Variants in PIK3C2B observed in about 807,000 individuals in gnomAD.
PIK3C2B encodes the protein phosphatidylinositol 4-phosphate 3-kinase C2 domain-containing subunit beta.
Under a neutral mutation model 184.3 loss-of-function variants are expected in PIK3C2B, and 83 were observed. The ratio of observed to expected loss-of-function variants is 0.45; its 90% CI spans 0.38 to 0.54. PIK3C2B has a LOEUF of 0.54. Ranked by LOEUF, PIK3C2B falls within the 20% of genes least tolerant of loss-of-function variation. The probability of loss-of-function intolerance (pLI) is 0.00; values close to 1 mark genes in which losing one functional copy is unlikely to be tolerated. For synonymous variants in PIK3C2B, 779 were observed against 837.6 expected, an observed-to-expected ratio of 0.93 and a Z score of 1.21; for missense variants, 1,736 against 2,113.5, an observed-to-expected ratio of 0.82 and a Z score of 3.50.
At position 204,465,199 on chromosome 1, in the gene PIK3C2B, C is replaced by A. The variant is rs749465409; in HGVS notation, c.1034+20G>T. 4 of 1,185,650 alleles carry A rather than the reference C, an allele frequency of 3.4e-6. No homozygotes were observed. In the South Asian group the frequency reaches 3.8e-5, roughly 11 times the overall value. The allele number at this position is 1,185,650 out of a possible 1,614,324, so 73.4% of individuals were successfully genotyped here. A position where few individuals can be genotyped will look rare whatever the true frequency, so the allele number is the denominator to read the frequency against. On this transcript the variant is annotated intron_variant, in intron 3 of 32. Transcript: ENST00000684373. ...TCCCCCATAGCCCTCCCAAATCCCA[C>A]CCCATTCTTTAACTCTTACATATCC... is the stretch of plus-strand genomic sequence containing the variant.
chr1:204,482,122 G>T lies in PIK3C2B; in HGVS notation c.-85+12234C>A, dbSNP rs964393532. Among the ~76,000 whole-genome samples the T allele has an allele frequency of 8.5e-5, 2 of 23,660 alleles. 1 individual carries two copies. The highest frequency in any genetic ancestry group is 1.5e-4 in the African/African-American group (2 of 13,566). 15.5% of individuals were successfully genotyped at this position (23,660 alleles called of 152,430 possible). ...GCCATGAAAAGACGGGGGGGGGGGGGGGGGTGCTCTCTAATGTTAGGCCCC... is the reference window on the plus strand; with the variant it reads ...GCCATGAAAAGACGGGGGGGGGGGGTGGGGTGCTCTCTAATGTTAGGCCCC... On this transcript the variant is annotated intron_variant, in intron 1 of 32. Coordinates refer to ENST00000684373, the MANE Select transcript of PIK3C2B (RefSeq NM_001377334.1).
At position 204,457,753 on chromosome 1, in the gene PIK3C2B, G is replaced by A. The variant is rs759304786; in HGVS notation, c.1688C>T (p.Ser563Phe). The A allele has an allele frequency of 1.2e-6, 2 of 1,610,156 alleles. No individual in the cohort carries two copies. The highest frequency in any genetic ancestry group is 1.7e-5 in the Admixed American group (1 of 59,186). Residue 563 changes from serine to phenylalanine, a missense_variant, in exon 9 of 33, where the codon TCC becomes TTC. Transcript: ENST00000684373. ...SALNQLPPCP[S>F]RMQPKIQKDP... is the part of the protein sequence containing the mutation. Reference sequence around the variant, plus strand: ...CTTCTGAATTTTAGGCTGCATGCGGGAGGGGCAGGGGGGCAGCTGGTTGAG... The same window carrying A: ...CTTCTGAATTTTAGGCTGCATGCGGAAGGGGCAGGGGGGCAGCTGGTTGAG...
intron 1 of PIK3C2B, among the ~76,000 whole-genome samples, chr1:204,487,262 T>G (rs1031417775): frequency 6.6e-6 from 1 of 152,246 alleles, no homozygotes; most frequent in Non-Finnish European, 1.5e-5. Context: ...CACACCACCA[T>G]GTCTGGCTAA....
chr1:204,434,183 T>C (rs2271424), intron 24 of PIK3C2B, among the ~76,000 whole-genome samples: 21,333 of 152,254 alleles, frequency 0.14, 2,060 homozygotes, highest in East Asian at 0.42. Flanking sequence ...CTGATTGCAT[T>C]CCTTTTTGCT....
chr1:204,428,297 A>T, intron 29 of PIK3C2B, 77 bp from the exon 30 acceptor site: 1 of 856,948 alleles, frequency 1.2e-6, no homozygotes, highest in Non-Finnish European at 1.9e-6. Flanking sequence ...ACTGTTCCAG[A>T]TGTAAAAAGA....
intron 10 of PIK3C2B, 118 bp from the exon 11 acceptor site, chr1:204,456,169 T>C: frequency 2.9e-6 from 2 of 693,270 alleles, no homozygotes; most frequent in African/African-American, 1.8e-5. Flanking sequence ...TGCTAGTCAG[T>C]CTCTAATAGC....
intron 2 of PIK3C2B, chr1:204,466,966 G>A: frequency 1.9e-6 from 1 of 526,556 alleles, no homozygotes; most frequent in South Asian, 1.4e-5. Context: ...TAGGCCGAGG[G>A]CCCAAGGGGT....
At position 204,457,039 on chromosome 1, in the gene PIK3C2B, C is replaced by CG; in HGVS notation, c.1744dup (p.Arg582ProfsTer38). Reference sequence around the variant, plus strand: ...AAGATGGAGAGCAGTTCCCTTACCTCGGTTTTCCCTCACAGCCAAGACACT... The same window carrying CG: ...AAGATGGAGAGCAGTTCCCTTACCTCGGGTTTTCCCTCACAGCCAAGACACT... On this transcript the variant is annotated frameshift_variant, in exon 10 of 33. Transcript: ENST00000684373. LOFTEE classifies it high-confidence loss of function. 1 of 1,566,934 alleles carries CG rather than the reference C, an allele frequency of 6.4e-7. No homozygotes were observed. The highest frequency in any genetic ancestry group is 8.7e-7 in the Non-Finnish European group (1 of 1,154,322).
At chr1:204,450,243 T>C in intron 12 of PIK3C2B, 1 of 475,372 alleles carries the variant, frequency 2.1e-6, no homozygotes, top group Non-Finnish European at 3.7e-6. Context: ...CCTTGGAGCT[T>C]TGCAGTAGAG....
In PIK3C2B at chr1:204,449,866, G is replaced by C; in HGVS notation, c.2218C>G (p.Leu740Val). The C allele has an allele frequency of 6.2e-7, 1 of 1,612,302 alleles. No homozygotes were observed. The highest frequency in any genetic ancestry group is 2.2e-5 in the East Asian group (1 of 44,862). ...CTCACATACTGCCTGAAGTTGAAGA[G>C]TGGGGTAGTGACCCAGCCCAGGGCT... ...PEALGWVTTP[L>V]FNFRQVLTCG... is the part of the protein sequence containing the mutation. The change falls in exon 13 of 33, where the codon CTC becomes GTC. Residue 740 changes from leucine (L) to valine (V), a missense_variant. Leu to Val is a conservative substitution (Grantham distance 32). Coordinates refer to ENST00000684373, the MANE Select transcript of PIK3C2B (RefSeq NM_001377334.1).
rs202168688 is a variant in PIK3C2B at position 204,440,186 on chromosome 1, A to G, written c.3379+6T>C. The G allele has an allele frequency of 3.1e-6, 5 of 1,610,924 alleles. No homozygotes were observed. Among genetic ancestry groups the G allele is most frequent in the East Asian group, 2.3e-5 (1 of 44,284 alleles). On this transcript the variant is annotated splice_donor_region_variant and intron_variant, in intron 22 of 32. Transcript: ENST00000684373. Reference sequence around the variant, plus strand: ...TCCTCCACCCTCACCCCTACTCCCAACTGACCTCTGCCCCGGCCGGTGGAG... The same window carrying G: ...TCCTCCACCCTCACCCCTACTCCCAGCTGACCTCTGCCCCGGCCGGTGGAG...
intron 20 of PIK3C2B, among the ~76,000 whole-genome samples, chr1:204,442,016 C>T (rs4553256): frequency 0.14 from 20,662 of 152,056 alleles, 1,972 homozygotes; most frequent in East Asian, 0.42. Flanking sequence ...CTGCTATCAC[C>T]ACCACCACCT....
chr1:204,464,398 C>A lies in PIK3C2B; in HGVS notation c.1189+52G>T, dbSNP rs187116809. 3.2e-6 allele frequency: 5 copies of A among 1,544,798 alleles called. No homozygotes were observed. The Admixed American group carries it at 7.0e-5, about 22-fold the overall frequency. On this transcript the variant is annotated intron_variant, in intron 4 of 32. Transcript: ENST00000684373. Reference sequence around the variant, plus strand: ...GGAAATCGAGTCAAAACACAGTCATCCCCACCCCACTTCAAGGGATGCTCA... The same window carrying A: ...GGAAATCGAGTCAAAACACAGTCATACCCACCCCACTTCAAGGGATGCTCA...
chr1:204,441,718 T>C (rs1675673540), intron 20 of PIK3C2B, among the ~76,000 whole-genome samples, 155 bp from the exon 21 acceptor site: 1 of 152,134 alleles, frequency 6.6e-6, no homozygotes, highest in African/African-American at 2.4e-5. Context: ...AGAAACCCAA[T>C]TTCCTTCCTT....
chr1:204,491,882 G>A (rs1658037246), intron 1 of PIK3C2B, among the ~76,000 whole-genome samples: 1 of 152,142 alleles, frequency 6.6e-6, no homozygotes, highest in Non-Finnish European at 1.5e-5. Context: ...ATAGGCAGTA[G>A]CCAGCCTTTG....
In PIK3C2B at chr1:204,447,680, A is replaced by G; in HGVS notation, c.2347-102T>C. On this transcript the variant is annotated intron_variant, in intron 14 of 32. Transcript: ENST00000684373. The surrounding 1 kb of genome is among the most constrained non-coding windows in gnomAD (Gnocchi z 4.1). ...AGCATTCCGGCCTTGTCCCTCCCTC[A>G]CTTTCCCTCAGGTTCTTTGTAAAAT... 1.3e-6 allele frequency: 1 copy of G among 780,188 alleles called. No homozygotes were observed. Among genetic ancestry groups the G allele is most frequent in the East Asian group, 2.5e-5 (1 of 40,076 alleles). 48.3% of individuals were successfully genotyped at this position (780,188 alleles called of 1,614,324 possible). A position where few individuals can be genotyped will look rare whatever the true frequency, so the allele number is the denominator to read the frequency against.
intron 23 of PIK3C2B, among the ~76,000 whole-genome samples, chr1:204,436,622 G>C (rs989925531): frequency 6.6e-6 from 1 of 152,178 alleles, no homozygotes; most frequent in African/African-American, 2.4e-5. Flanking sequence ...TGCAGAGTTA[G>C]TTTCTCTCTG....
At chr1:204,489,657 T>C (rs1165331524) in intron 1 of PIK3C2B, among the ~76,000 whole-genome samples, 2 of 151,874 alleles carry the variant, frequency 1.3e-5, no homozygotes, top group Non-Finnish European at 2.9e-5. Flanking sequence ...TTTCTTTCAC[T>C]CTCTGGGAGA....
chr1:204,486,886 C>T lies in PIK3C2B; in HGVS notation c.-85+7470G>A, dbSNP rs757133393. Reference sequence around the variant, plus strand: ...TCAGTGGCACAATCTCCGCTCACTGCAATCTCCACCTCCTGGATTCAAGCA... The same window carrying T: ...TCAGTGGCACAATCTCCGCTCACTGTAATCTCCACCTCCTGGATTCAAGCA... On this transcript the variant is annotated intron_variant, in intron 1 of 32. Coordinates refer to ENST00000684373, the MANE Select transcript of PIK3C2B (RefSeq NM_001377334.1). Among the ~76,000 whole-genome samples the T allele has an allele frequency of 7.9e-5, 12 of 152,104 alleles. No individual in the cohort carries two copies. The South Asian group carries it at 8.3e-4, about 11-fold the overall frequency.
Sources: gnomAD v4.1 joint callset for allele counts (sites outside exome capture counted in the v4.1 genomes callset) on GRCh38, gnomAD v4.1.1 for gene constraint, Gnocchi (gnomAD v3.1) non-coding constraint, MANE v1.5 for transcripts, NCBI Gene and HGNC (gene_info 2026-07-23, HGNC 2026-07-21) for gene names.